PSMA5: variants seen among roughly 807,000 people sequenced by gnomAD.
PSMA5 encodes the protein proteasome 20S subunit alpha 5.
In PSMA5, 3 loss-of-function variants were observed where a neutral mutation model predicts 34.5. That is an observed-to-expected ratio of 0.09 (90% CI 0.04 to 0.22). The LOEUF is 0.22. PSMA5 is among the 10% of genes least tolerant of loss of function. The probability of loss-of-function intolerance (pLI) is 1.00; values close to 1 mark genes in which losing one functional copy is unlikely to be tolerated. For missense variants in PSMA5, 120 were observed against 286.1 expected, an observed-to-expected ratio of 0.42 and a Z score of 4.19; for synonymous variants, 88 against 95.8, an observed-to-expected ratio of 0.92 and a Z score of 0.47.
At chr1:109,422,482 CTTTTT>C (rs35947865) in intron 1 of PSMA5, among the ~76,000 whole-genome samples, 23 of 123,912 alleles carry the variant, frequency 1.9e-4, no homozygotes, top group African/African-American at 5.9e-4. Flanking sequence ...ACAGTTATTA[CTTTTT>C]TTTTTTTTTT....
Position 109,399,418 on chromosome 1 carries a change from ACAGT to A in PSMA5, c.*2591_*2594del, listed in dbSNP as rs1327496054. 3.3e-5 allele frequency: 5 copies of A among 151,648 alleles called. No homozygotes were observed. Among genetic ancestry groups the A allele is most frequent in the South Asian group, 2.1e-4 (1 of 4,804 alleles). The allele number at this position is 151,648 out of a possible 1,614,324, so 9.4% of individuals were successfully genotyped here. A position where few individuals can be genotyped will look rare whatever the true frequency, so the allele number is the denominator to read the frequency against. ...GCCAACTATGGGAGTAGATCACAAG[ACAGT>A]CAGTTCCAGTAGCATGTGATTAGGT... On this transcript the variant is annotated 3_prime_UTR_variant, in exon 9 of 9. Coordinates refer to ENST00000271308, the MANE Select transcript of PSMA5 (RefSeq NM_002790.4).
At position 109,426,428 on chromosome 1, in the gene PSMA5, C is replaced by G; in HGVS notation, c.-98G>C. 3 of 1,484,606 alleles carry G rather than the reference C, an allele frequency of 2.0e-6. No homozygotes were observed. Among genetic ancestry groups the G allele is most frequent in the Non-Finnish European group, 2.8e-6 (3 of 1,062,618 alleles). The allele number at this position is 1,484,606 out of a possible 1,614,324, so 92.0% of individuals were successfully genotyped here. A position where few individuals can be genotyped will look rare whatever the true frequency, so the allele number is the denominator to read the frequency against. On this transcript the variant is annotated 5_prime_UTR_variant, in exon 1 of 9. Transcript: ENST00000271308. ...ACCGGCAGCCAACTCACCCACACGG[C>G]CGCAGTACTAAGGACCAACTGCGCG...
chr1:109,419,546 T>A (rs926719216), intron 2 of PSMA5, among the ~76,000 whole-genome samples: 1 of 152,098 alleles, frequency 6.6e-6, no homozygotes, highest in Non-Finnish European at 1.5e-5. Flanking sequence ...GGCTCACATC[T>A]GTAATCCCAG....
chr1:109,409,412 C>G (rs1018739927), intron 8 of PSMA5, among the ~76,000 whole-genome samples: 3 of 152,160 alleles, frequency 2.0e-5, no homozygotes, highest in African/African-American at 7.2e-5. Context: ...CTGCCTTGGC[C>G]TCCCAAAGTG....
At chr1:109,426,064 G>A in intron 1 of PSMA5, 1 of 587,984 alleles carries the variant, frequency 1.7e-6, no homozygotes, top group Non-Finnish European at 3.1e-6. Flanking sequence ...ACCAGCCGGA[G>A]CTTCTCGCTT....
chr1:109,416,185 C>T (rs1043059764), intron 2 of PSMA5, among the ~76,000 whole-genome samples: 3 of 152,112 alleles, frequency 2.0e-5, no homozygotes, highest in African/African-American at 7.2e-5. Context: ...CATCTTTAAT[C>T]TCTCTCAATG....
intron 8 of PSMA5, among the ~76,000 whole-genome samples, chr1:109,408,041 CAGATGACTT>C (rs1432159893): frequency 6.6e-6 from 1 of 152,162 alleles, no homozygotes; most frequent in African/African-American, 2.4e-5. Flanking sequence ...CTACCCTCGG[CAGATGACTT>C]TACAATCACT....
At chr1:109,423,780 G>A (rs1272713392) in intron 1 of PSMA5, among the ~76,000 whole-genome samples, 1 of 151,930 alleles carries the variant, frequency 6.6e-6, no homozygotes, top group East Asian at 1.9e-4. Context: ...CCTTCTCAAT[G>A]CCCTCATTAC....
rs990443168 is a variant in PSMA5 at position 109,409,827 on chromosome 1, C to T, written c.648+101G>A. 12 of 724,906 alleles carry T rather than the reference C, an allele frequency of 1.7e-5. No homozygotes were observed. In the South Asian group the frequency reaches 2.2e-4, roughly 13 times the overall value. The allele number at this position is 724,906 out of a possible 1,614,324, so 44.9% of individuals were successfully genotyped here. On this transcript the variant is annotated intron_variant, in intron 8 of 8. Coordinates refer to ENST00000271308, the MANE Select transcript of PSMA5 (RefSeq NM_002790.4). ...TACTCGAGAGGCTGGGGTGGGAGGA[C>T]TACTTGAACTCATGAGTTCAAGACC...
Position 109,401,937 on chromosome 1 carries a change from C to A in PSMA5, c.*76G>T. ...CATACAATGGAGATTTTCCAAGGAACAGGAGCTGGAAATAAAATTTAAGGA... is the reference window on the plus strand; with the variant it reads ...CATACAATGGAGATTTTCCAAGGAAAAGGAGCTGGAAATAAAATTTAAGGA... On this transcript the variant is annotated 3_prime_UTR_variant, in exon 9 of 9. Coordinates refer to ENST00000271308, the MANE Select transcript of PSMA5 (RefSeq NM_002790.4). The A allele has an allele frequency of 1.7e-6, 2 of 1,164,014 alleles. No individual in the cohort carries two copies. Among genetic ancestry groups the A allele is most frequent in the Admixed American group, 1.9e-5 (1 of 51,578 alleles). The allele number at this position is 1,164,014 out of a possible 1,614,324, so 72.1% of individuals were successfully genotyped here. A position where few individuals can be genotyped will look rare whatever the true frequency, so the allele number is the denominator to read the frequency against.
At chr1:109,420,291 T>C (rs1022413089) in intron 2 of PSMA5, among the ~76,000 whole-genome samples, 1 of 152,058 alleles carries the variant, frequency 6.6e-6, no homozygotes, top group African/African-American at 2.4e-5. Context: ...CAGAAGACAA[T>C]TGTGTGTGGT....
At position 109,400,019 on chromosome 1, in the gene PSMA5, A is replaced by C. The variant is rs191250921; in HGVS notation, c.*1994T>G. 2 of 152,326 alleles carry C rather than the reference A, an allele frequency of 1.3e-5. No individual in the cohort carries two copies. The highest frequency in any genetic ancestry group is 4.8e-5 in the African/African-American group (2 of 41,576). The allele number at this position is 152,326 out of a possible 1,614,324, so 9.4% of individuals were successfully genotyped here. On this transcript the variant is annotated 3_prime_UTR_variant, in exon 9 of 9. Coordinates refer to ENST00000271308, the MANE Select transcript of PSMA5 (RefSeq NM_002790.4). ...CTGTTCGTAGTAAGATCACTTCTTT[A>C]ACCTAAGAAAGCTTGTTTTAATATT...
rs373402814 is a variant in PSMA5, at chr1:109,423,137, T to A, written c.30-1211A>T. ...AGTCCAGACTTTACAACAGGTAACA[T>A]GTCATATAGTAGTGCTTTTGGCCTG... On this transcript the variant is annotated intron_variant, in intron 1 of 8. Coordinates refer to ENST00000271308, the MANE Select transcript of PSMA5 (RefSeq NM_002790.4). 1.1e-4 allele frequency among the ~76,000 whole-genome samples: 17 copies of A among 152,332 alleles called. No homozygotes were observed. The East Asian group carries it at 3.3e-3, about 29-fold the overall frequency.
chr1:109,424,298 C>CT (rs201914256), intron 1 of PSMA5, among the ~76,000 whole-genome samples: 2,890 of 145,646 alleles, frequency 0.02, 44 homozygotes, highest in Middle Eastern at 0.046. Flanking sequence ...GTAAACAATT[C>CT]TTTTTTTTTT....
At chr1:109,414,211 C>T in intron 3 of PSMA5, among the ~76,000 whole-genome samples, 1 of 152,216 alleles carries the variant, frequency 6.6e-6, no homozygotes, top group Non-Finnish European at 1.5e-5. Flanking sequence ...CTAGAATGCT[C>T]TCCCTTGCTA....
chr1:109,415,963 G>A (rs1371368071), intron 2 of PSMA5, among the ~76,000 whole-genome samples: 1 of 152,040 alleles, frequency 6.6e-6, no homozygotes. Context: ...ATTTAAGGTC[G>A]CTAGAAGTCC....
chr1:109,419,046 AG>A (rs1654330928), intron 2 of PSMA5, among the ~76,000 whole-genome samples: 1 of 152,032 alleles, frequency 6.6e-6, no homozygotes, highest in South Asian at 2.1e-4. Flanking sequence ...CCAGCTACTC[AG>A]GAGGCTGAGG....
In PSMA5 at chr1:109,400,032, T is replaced by C. The variant is rs1653442566; in HGVS notation, c.*1981A>G. ...GATCACTTCTTTAACCTAAGAAAGC[T>C]TGTTTTAATATTCTACAAAAAAATC... On this transcript the variant is annotated 3_prime_UTR_variant, in exon 9 of 9. Transcript: ENST00000271308. 1 of 152,210 alleles carries C rather than the reference T, an allele frequency of 6.6e-6. No individual in the cohort carries two copies. The highest frequency in any genetic ancestry group is 2.4e-5 in the African/African-American group (1 of 41,460). 9.4% of individuals were successfully genotyped at this position (152,210 alleles called of 1,614,324 possible). A position where few individuals can be genotyped will look rare whatever the true frequency, so the allele number is the denominator to read the frequency against.
chr1:109,401,951 A>C lies in PSMA5; in HGVS notation c.*62T>G, dbSNP rs1653548941. On this transcript the variant is annotated 3_prime_UTR_variant, in exon 9 of 9. Coordinates refer to ENST00000271308, the MANE Select transcript of PSMA5 (RefSeq NM_002790.4). Reference sequence around the variant, plus strand: ...TTTCCAAGGAACAGGAGCTGGAAATAAAATTTAAGGACATTATTAGAACTG... The same window carrying C: ...TTTCCAAGGAACAGGAGCTGGAAATCAAATTTAAGGACATTATTAGAACTG... 20 of 1,321,788 alleles carry C rather than the reference A, an allele frequency of 1.5e-5. No individual in the cohort carries two copies. The highest frequency in any genetic ancestry group is 2.1e-5 in the Non-Finnish European group (20 of 932,324). The allele number at this position is 1,321,788 out of a possible 1,614,324, so 81.9% of individuals were successfully genotyped here.
Sources: allele counts gnomAD v4.1 joint callset (sites outside exome capture counted in the v4.1 genomes callset), GRCh38; gene constraint gnomAD v4.1.1; transcripts MANE v1.5; gene names NCBI Gene and HGNC (gene_info 2026-07-23, HGNC 2026-07-21).